Variants in TRPC4 observed in about 807,000 individuals in gnomAD.
The protein encoded by TRPC4 is transient receptor potential cation channel subfamily C member 4, also known as short transient receptor potential channel 4.
Under a neutral mutation model 99.4 loss-of-function variants are expected in TRPC4, and 49 were observed. The ratio of observed to expected loss-of-function variants is 0.49; its 90% CI spans 0.39 to 0.63. The LOEUF is 0.63. Among genes scored for constraint, TRPC4 ranks in the 20% least tolerant of loss-of-function variants. The pLI, the probability that TRPC4 is intolerant of heterozygous loss-of-function variation, is 0.00. For synonymous variants in TRPC4, 454 were observed against 425.9 expected, an observed-to-expected ratio of 1.07 and a Z score of -0.81; for missense variants, 898 against 1,152.9, an observed-to-expected ratio of 0.78 and a Z score of 3.20.
rs148722117 is a variant in TRPC4, at chr13:37,746,156, T to C, written c.678A>G (p.Glu226=). 9.3e-6 allele frequency: 15 copies of C among 1,613,772 alleles called. No homozygotes were observed. In the African/African-American group the frequency reaches 1.7e-4, roughly 19 times the overall value. ...PFLTAFQLSW[E]LQELSKVENE... The stretch of plus-strand genomic sequence containing the variant: ...TTTCCACCTTGCTCAGTTCCTGAAG[T>C]TCCCAACTTAACTGAAAGGCTGTGA... The change falls in exon 3 of 11, where the codon GAA becomes GAG. Residue 226 remains glutamate (E), a synonymous_variant. Coordinates refer to ENST00000379705, the MANE Select transcript of TRPC4 (RefSeq NM_016179.4).
At chr13:37,816,240 C>T (rs1957850623) in intron 1 of TRPC4, among the ~76,000 whole-genome samples, 1 of 151,838 alleles carries the variant, frequency 6.6e-6, no homozygotes, top group Non-Finnish European at 1.5e-5. Context: ...AATAGTCACA[C>T]AACACAGGAG....
chr13:37,764,984 C>T (rs1192744498), intron 2 of TRPC4, among the ~76,000 whole-genome samples: 1 of 150,508 alleles, frequency 6.6e-6, no homozygotes, highest in South Asian at 2.1e-4. Flanking sequence ...CCTCTTCAGG[C>T]TTTGATGGTA....
chr13:37,723,971 A>AC (rs1954954440), intron 3 of TRPC4, among the ~76,000 whole-genome samples: 1 of 152,186 alleles, frequency 6.6e-6, no homozygotes, highest in Non-Finnish European at 1.5e-5. Context: ...TTATAAATGC[A>AC]AAGATTCTTT....
intron 3 of TRPC4, among the ~76,000 whole-genome samples, chr13:37,719,876 T>C (rs1954808885): frequency 6.6e-6 from 1 of 152,144 alleles, no homozygotes; most frequent in African/African-American, 2.4e-5. Flanking sequence ...CAGCTAACAT[T>C]AAAATATGTT....
At chr13:37,735,450 G>C (rs935567137) in intron 3 of TRPC4, among the ~76,000 whole-genome samples, 3 of 152,142 alleles carry the variant, frequency 2.0e-5, no homozygotes, top group Non-Finnish European at 4.4e-5. Flanking sequence ...GAAAATATCA[G>C]TCACTAAATA....
intron 7 of TRPC4, among the ~76,000 whole-genome samples, chr13:37,652,319 A>G (rs1421848348): frequency 6.6e-6 from 1 of 152,190 alleles, no homozygotes; most frequent in Non-Finnish European, 1.5e-5. Flanking sequence ...ATAAACACGA[A>G]CTCATATTTT....
chr13:37,834,693 A>G lies in TRPC4; in HGVS notation c.-28+34902T>C, dbSNP rs150028184. ...TGGTTTCTCCAACATACTTGGATCA[A>G]TCTTGAGTTTATCTCACTCTCCATT... is the stretch of plus-strand genomic sequence containing the variant. On this transcript the variant is annotated intron_variant, in intron 1 of 10. Transcript: ENST00000379705. Among the ~76,000 whole-genome samples the G allele has an allele frequency of 9.3e-4, 142 of 152,266 alleles. 1 individual carries two copies. The highest frequency in any genetic ancestry group is 1.8e-3 in the Non-Finnish European group (121 of 68,028).
At chr13:37,793,408 G>A (rs1455047507) in intron 1 of TRPC4, among the ~76,000 whole-genome samples, 4 of 151,322 alleles carry the variant, frequency 2.6e-5, no homozygotes, top group African/African-American at 9.7e-5. Flanking sequence ...TTAACATTAG[G>A]TATATCTCCT....
intron 4 of TRPC4, among the ~76,000 whole-genome samples, chr13:37,690,209 CA>C (rs1005095208): frequency 1.3e-5 from 2 of 152,238 alleles, no homozygotes; most frequent in South Asian, 2.1e-4. Flanking sequence ...TTAAATGAAA[CA>C]GGGGGGGTTA....
At position 37,730,045 on chromosome 13, in the gene TRPC4, G is replaced by A. The variant is rs1037825809; in HGVS notation, c.897+15892C>T. On this transcript the variant is annotated intron_variant, in intron 3 of 10. Transcript: ENST00000379705. ...AACAAAACAAAGCACAGTAGTCAGA[G>A]GCTGGCCACTCAGAAAGACTACGAC... Among the ~76,000 whole-genome samples, 79 of 152,164 alleles carry A rather than the reference G, an allele frequency of 5.2e-4. 1 individual carries two copies. Among genetic ancestry groups the A allele is most frequent in the Non-Finnish European group, 2.1e-4 (14 of 67,968 alleles).
At chr13:37,803,789 A>C (rs1365984133) in intron 1 of TRPC4, among the ~76,000 whole-genome samples, 1 of 152,044 alleles carries the variant, frequency 6.6e-6, no homozygotes, top group East Asian at 1.9e-4. Context: ...AAAGATGTGA[A>C]GGAACAGCAA....
At chr13:37,726,643 C>T (rs1039952584) in intron 3 of TRPC4, among the ~76,000 whole-genome samples, 2 of 152,054 alleles carry the variant, frequency 1.3e-5, no homozygotes, top group Non-Finnish European at 2.9e-5. Flanking sequence ...ATGAAACTCT[C>T]CAACTCAACG....
intron 2 of TRPC4, among the ~76,000 whole-genome samples, chr13:37,749,886 T>C (rs1955885042): frequency 6.6e-6 from 1 of 152,136 alleles, no homozygotes; most frequent in Non-Finnish European, 1.5e-5. Context: ...TAAATATTAA[T>C]ATACAGCTTG....
In TRPC4 at chr13:37,637,242, G is replaced by T; in HGVS notation, c.2595C>A (p.Phe865Leu). The change falls in exon 11 of 11, where the codon TTC becomes TTA. Residue 865 changes from phenylalanine to leucine, a missense_variant. Transcript: ENST00000379705. Reference protein sequence around the residue: ...NAAEQNANQIFSVSEEVARQQ... With the variant: ...NAAEQNANQILSVSEEVARQQ... The stretch of plus-strand genomic sequence containing the variant: ...GACGAGCAACTTCTTCTGAAACAGA[G>T]AAGATTTGGTTTGCATTTTGCTCAG... 1 of 1,613,888 alleles carries T rather than the reference G, an allele frequency of 6.2e-7. No individual in the cohort carries two copies. The highest frequency in any genetic ancestry group is 8.5e-7 in the Non-Finnish European group (1 of 1,179,872).
chr13:37,684,794 T>TACACACACAC (rs57132536), intron 4 of TRPC4, among the ~76,000 whole-genome samples: 9 of 140,654 alleles, frequency 6.4e-5, no homozygotes, highest in African/African-American at 8.0e-5. Flanking sequence ...GAGTACCCCT[T>TACACACACAC]ACACACACAC....
chr13:37,716,544 T>C (rs554944238), intron 3 of TRPC4, among the ~76,000 whole-genome samples: 1 of 152,264 alleles, frequency 6.6e-6, no homozygotes, highest in African/African-American at 2.4e-5. Flanking sequence ...GTTATTCTTT[T>C]TCAAAATAAA....
At chr13:37,784,720 A>C (rs926703396) in intron 1 of TRPC4, among the ~76,000 whole-genome samples, 6 of 152,060 alleles carry the variant, frequency 3.9e-5, no homozygotes, top group African/African-American at 1.4e-4. Context: ...TAGATTAAAC[A>C]TAAATTACAT....
intron 6 of TRPC4, among the ~76,000 whole-genome samples, chr13:37,663,180 T>C (rs1228469811): frequency 6.6e-6 from 1 of 152,216 alleles, no homozygotes; most frequent in Non-Finnish European, 1.5e-5. Context: ...TTTCATGAAG[T>C]CATTTAGAAG....
At chr13:37,818,296 A>T (rs1957919153) in intron 1 of TRPC4, among the ~76,000 whole-genome samples, 1 of 152,154 alleles carries the variant, frequency 6.6e-6, no homozygotes, top group South Asian at 2.1e-4. Flanking sequence ...AAAAGTCAGG[A>T]AATGACAGAT....
Sources: gnomAD v4.1 joint callset for allele counts (sites outside exome capture counted in the v4.1 genomes callset) on GRCh38, gnomAD v4.1.1 for gene constraint, MANE v1.5 for transcripts, NCBI Gene and HGNC (gene_info 2026-07-23, HGNC 2026-07-21) for gene names.